Variants in TEX11 observed in about 807,000 individuals in gnomAD.
TEX11 encodes testis expressed 11.
A neutral mutation model predicts 84.4 loss-of-function variants in TEX11; 7 were observed. The observed-to-expected ratio is 0.08, with a 90% CI of 0.05 to 0.16. The LOEUF is 0.16. Among genes scored for constraint, TEX11 ranks in the 10% least tolerant of loss-of-function variants. The pLI is 1.00. For missense variants in TEX11, 551 were observed against 660.5 expected (o/e 0.83, Z 1.82); for synonymous variants, 264 against 222.8 (o/e 1.18, Z -1.64).
intron 5 of TEX11, among the ~76,000 whole-genome samples, chrX:70,859,600 A>G (rs66930268): frequency 0.14 from 13,487 of 95,400 alleles, 1,767 homozygotes; most frequent in African/African-American, 0.36. Context: ...AAAAAAAAAA[A>G]AGAGAGAACA....
At chrX:70,850,906 C>CA (rs981833629) in intron 7 of TEX11, among the ~76,000 whole-genome samples, 16 of 109,938 alleles carry the variant, frequency 1.5e-4, no homozygotes, top group South Asian at 3.8e-4. Flanking sequence ...CTTGTCTCTA[C>CA]AAAAAAAAGA....
chrX:70,761,826 G>A (rs1051331110), intron 9 of TEX11, among the ~76,000 whole-genome samples: 1 of 111,363 alleles, frequency 9.0e-6, no homozygotes, highest in Non-Finnish European at 1.9e-5. Context: ...TAGAACACCA[G>A]ATTTAACCCA....
intron 28 of TEX11, among the ~76,000 whole-genome samples, chrX:70,545,119 T>C (rs1213407218): frequency 9.3e-6 from 1 of 107,460 alleles, no homozygotes; most frequent in Admixed American, 1.0e-4. Context: ...GCAGGAAAAC[T>C]GCTTGAACCC....
In TEX11 at chrX:70,863,685, C is replaced by T. The variant is rs887687847; in HGVS notation, c.245-2749G>A. ...ATGCCTCTTCCCCTCAAAATGATCGCAACTCCTCTCCAGCAAGGGCACAAA... is the reference window on the plus strand; with the variant it reads ...ATGCCTCTTCCCCTCAAAATGATCGTAACTCCTCTCCAGCAAGGGCACAAA... On this transcript the variant is annotated intron_variant, in intron 4 of 29. Coordinates refer to ENST00000374333, the MANE Select transcript of TEX11 (RefSeq NM_031276.3). Among the ~76,000 whole-genome samples, 6 of 111,550 alleles carry T rather than the reference C, an allele frequency of 5.4e-5. No individual in the cohort carries two copies. In the East Asian group the frequency reaches 1.7e-3, roughly 31 times the overall value.
At chrX:70,551,823 G>C (rs2088218759) in intron 28 of TEX11, among the ~76,000 whole-genome samples, 1 of 111,675 alleles carries the variant, frequency 9.0e-6, no homozygotes, top group African/African-American at 3.2e-5. Flanking sequence ...TTTTCAAAAG[G>C]TTCATATCAT....
At chrX:70,618,983 C>T (rs1014125683) in intron 20 of TEX11, among the ~76,000 whole-genome samples, 5 of 111,273 alleles carry the variant, frequency 4.5e-5, no homozygotes, top group Non-Finnish European at 9.4e-5. Context: ...AAGGAAGTGT[C>T]CCCACTAGAT....
In TEX11 at chrX:70,817,248, T is replaced by TACAC. The variant is rs1231830224; in HGVS notation, c.607-10459_607-10458insGTGT. Among the ~76,000 whole-genome samples the TACAC allele has an allele frequency of 6.6e-4, 61 of 93,124 alleles. No individual in the cohort carries two copies. In the East Asian group the frequency reaches 0.012, roughly 19 times the overall value. 80.9% of individuals were successfully genotyped at this position (93,124 alleles called of 115,157 possible). On this transcript the variant is annotated intron_variant, in intron 8 of 29. Transcript: ENST00000374333. ...ATACACATACACACACACACACATA[T>TACAC]ATATATACACACACACACACACACA...
chrX:70,577,155 A>C (rs1366229084), intron 25 of TEX11, among the ~76,000 whole-genome samples: 2 of 111,538 alleles, frequency 1.8e-5, no homozygotes, highest in Non-Finnish European at 3.8e-5. Context: ...TGCAAGTAGA[A>C]GGTCTAAAGA....
At chrX:70,826,670 A>C (rs1397175127) in intron 8 of TEX11, among the ~76,000 whole-genome samples, 1 of 111,702 alleles carries the variant, frequency 9.0e-6, no homozygotes, top group Non-Finnish European at 1.9e-5. Flanking sequence ...TAGAGAAAAA[A>C]GTCATGCTGG....
intron 25 of TEX11, among the ~76,000 whole-genome samples, chrX:70,577,913 A>C (rs1345338571): frequency 2.7e-5 from 3 of 110,464 alleles, no homozygotes; most frequent in African/African-American, 9.9e-5. Context: ...TTTTTAGTAG[A>C]GATGGGGTTT....
chrX:70,734,417 A>C (rs1002291908), intron 11 of TEX11, among the ~76,000 whole-genome samples: 25 of 111,803 alleles, frequency 2.2e-4, no homozygotes, highest in Non-Finnish European at 4.5e-4. Context: ...AAAATGTGTA[A>C]AATAATTATT....
In TEX11 at chrX:70,710,724, T is replaced by C. The variant is rs745493559; in HGVS notation, c.1004+11894A>G. 4.5e-5 allele frequency among the ~76,000 whole-genome samples: 5 copies of C among 110,757 alleles called. No individual in the cohort carries two copies. The South Asian group carries it at 1.9e-3, about 43-fold the overall frequency. On this transcript the variant is annotated intron_variant, in intron 13 of 29. Transcript: ENST00000374333. ...GATCTTCAGCTGATCTAGCCAATCA[T>C]ATACACATTAAAGTTTGAGAAGCAC...
At chrX:70,735,015 G>A (rs1349505101) in intron 11 of TEX11, among the ~76,000 whole-genome samples, 1 of 111,766 alleles carries the variant, frequency 8.9e-6, no homozygotes, top group African/African-American at 3.2e-5. Flanking sequence ...CACGCAGATT[G>A]GAAAGCAAGA....
intron 5 of TEX11, among the ~76,000 whole-genome samples, chrX:70,855,782 C>T (rs2091533097): frequency 9.1e-6 from 1 of 110,196 alleles, no homozygotes. Flanking sequence ...CACAAATGGG[C>T]ACGAAAAATG....
chrX:70,753,691 CT>C (rs1183499264), intron 9 of TEX11, among the ~76,000 whole-genome samples: 2 of 110,372 alleles, frequency 1.8e-5, no homozygotes, highest in Non-Finnish European at 3.8e-5. Flanking sequence ...GGCGAAACTC[CT>C]TTTGCTTGAG....
At chrX:70,687,501 G>C (rs2090198921) in intron 13 of TEX11, among the ~76,000 whole-genome samples, 1 of 108,974 alleles carries the variant, frequency 9.2e-6, no homozygotes, top group African/African-American at 3.3e-5. Flanking sequence ...CAAATACCTT[G>C]ATTTTGGACT....
intron 25 of TEX11, among the ~76,000 whole-genome samples, chrX:70,560,003 C>T (rs2088342213): frequency 2.1e-5 from 1 of 46,882 alleles, no homozygotes; most frequent in South Asian, 1.7e-3. Flanking sequence ...GCTTCCCACC[C>T]TCATTAACAC....
intron 13 of TEX11, among the ~76,000 whole-genome samples, chrX:70,698,168 T>C (rs2090296605): frequency 9.0e-6 from 1 of 111,192 alleles, no homozygotes; most frequent in African/African-American, 3.3e-5. Context: ...TTATCATTTC[T>C]TTTTGTTGTG....
In TEX11 at chrX:70,853,345, A is replaced by G. The variant is rs774731823; in HGVS notation, c.325-17T>C. 10 of 1,142,721 alleles carry G rather than the reference A, an allele frequency of 8.8e-6. No individual in the cohort carries two copies. The highest frequency in any genetic ancestry group is 1.2e-5 in the Non-Finnish European group (10 of 840,950). 94.2% of individuals were successfully genotyped at this position (1,142,721 alleles called of 1,213,427 possible). On this transcript the variant is annotated splice_polypyrimidine_tract_variant and intron_variant, in intron 5 of 29. Coordinates refer to ENST00000374333, the MANE Select transcript of TEX11 (RefSeq NM_031276.3). ...CATATTCATCTAGAAGAGAGAAATT[A>G]GAAAATAATTTTTAAAAATTCATAC...
Sources: gnomAD v4.1 joint callset for allele counts (sites outside exome capture counted in the v4.1 genomes callset) on GRCh38, gnomAD v4.1.1 for gene constraint, MANE v1.5 for transcripts, NCBI Gene and HGNC (gene_info 2026-07-23, HGNC 2026-07-21) for gene names.